RALYL: variants seen among roughly 807,000 people sequenced by gnomAD.
The protein encoded by RALYL is RALY RNA binding protein like, also known as RNA-binding Raly-like protein.
Under a neutral mutation model 35.1 loss-of-function variants are expected in RALYL, and 29 were observed. The observed-to-expected ratio is 0.83, with a 90% CI of 0.61 to 1.13. The LOEUF is 1.13. RALYL is among the 50% of genes most tolerant of loss of function. RALYL has a pLI of 0.00. For synonymous variants in RALYL, 120 were observed against 127.6 expected (o/e 0.94, Z 0.40); for missense variants, 359 against 360.4 (o/e 1.00, Z 0.03).
intron 2 of RALYL, among the ~76,000 whole-genome samples, chr8:84,664,269 T>TTC (rs1554769180): frequency 6.7e-6 from 1 of 148,928 alleles, no homozygotes; most frequent in Non-Finnish European, 1.5e-5. Flanking sequence ...CTAGATTTTT[T>TTC]TTTTTTTTTT....
At chr8:84,679,843 AT>A (rs763519354) in intron 2 of RALYL, 44 of 378,436 alleles carry the variant, frequency 1.2e-4, no homozygotes, top group African/African-American at 6.6e-4. Flanking sequence ...TCACATCTTT[AT>A]TTTTTTTCTT....
At chr8:84,674,758 C>T (rs186604459) in intron 2 of RALYL, among the ~76,000 whole-genome samples, 4 of 152,158 alleles carry the variant, frequency 2.6e-5, no homozygotes, top group African/African-American at 9.6e-5. Flanking sequence ...GATAAAATTT[C>T]CTTTTTAGCT....
intron 1 of RALYL, among the ~76,000 whole-genome samples, chr8:84,232,321 G>A (rs1041330620): frequency 3.9e-5 from 6 of 152,026 alleles, no homozygotes; most frequent in Non-Finnish European, 8.8e-5. Context: ...TGAAAGTTGT[G>A]TTCAACACAA....
At chr8:84,777,432 A>C (rs1352741053) in intron 3 of RALYL, among the ~76,000 whole-genome samples, 1 of 152,186 alleles carries the variant, frequency 6.6e-6, no homozygotes, top group Non-Finnish European at 1.5e-5. Context: ...TATACCACCT[A>C]TCTGTGTGAT....
chr8:84,254,965 T>C (rs1830948156), intron 1 of RALYL, among the ~76,000 whole-genome samples: 1 of 151,960 alleles, frequency 6.6e-6, no homozygotes, highest in Non-Finnish European at 1.5e-5. Flanking sequence ...TGGGGGAAAC[T>C]GCTTCCATGA....
intron 2 of RALYL, among the ~76,000 whole-genome samples, chr8:84,688,256 T>C (rs1434979975): frequency 6.6e-6 from 1 of 152,056 alleles, no homozygotes; most frequent in African/African-American, 2.4e-5. Flanking sequence ...AATTCCATAA[T>C]CTAGAATGTT....
intron 1 of RALYL, among the ~76,000 whole-genome samples, chr8:84,205,511 AG>A (rs1817852893): frequency 6.6e-6 from 1 of 152,186 alleles, no homozygotes; most frequent in Non-Finnish European, 1.5e-5. Flanking sequence ...ACATATGCAA[AG>A]GGAAAGCCAC....
At chr8:84,916,073 G>T (rs992118354) in intron 8 of RALYL, among the ~76,000 whole-genome samples, 1 of 151,888 alleles carries the variant, frequency 6.6e-6, no homozygotes, top group Non-Finnish European at 1.5e-5. Flanking sequence ...TCCTAAAACT[G>T]AAGCTAAACA....
At position 84,378,257 on chromosome 8, in the gene RALYL, A is replaced by T. The variant is rs139034608; in HGVS notation, c.-23-151042A>T. Among the ~76,000 whole-genome samples, 22 of 152,074 alleles carry T rather than the reference A, an allele frequency of 1.4e-4. No individual in the cohort carries two copies. In the East Asian group the frequency reaches 3.7e-3, roughly 26 times the overall value. On this transcript the variant is annotated intron_variant, in intron 1 of 8. Transcript: ENST00000521268. Reference sequence around the variant, plus strand: ...GTTATAAGGTCAGCCATTTGGAGCTATCTCTGGTGCTTTGAACTCACAGTA... The same window carrying T: ...GTTATAAGGTCAGCCATTTGGAGCTTTCTCTGGTGCTTTGAACTCACAGTA...
intron 2 of RALYL, among the ~76,000 whole-genome samples, chr8:84,640,867 A>T (rs1392000427): frequency 1.3e-5 from 2 of 151,968 alleles, no homozygotes; most frequent in Non-Finnish European, 2.9e-5. Flanking sequence ...AGAAAATCTC[A>T]TTATAACACA....
intron 2 of RALYL, among the ~76,000 whole-genome samples, chr8:84,695,651 G>A (rs1353222423): frequency 2.6e-5 from 4 of 151,692 alleles, no homozygotes; most frequent in Non-Finnish European, 5.9e-5. Context: ...AGTATTTGTT[G>A]CATGAAGTAA....
At chr8:84,775,906 G>T (rs187670084) in intron 3 of RALYL, among the ~76,000 whole-genome samples, 21 of 152,200 alleles carry the variant, frequency 1.4e-4, no homozygotes, top group African/African-American at 5.1e-4. Context: ...TGTGTCTATT[G>T]CTGTTTAATT....
chr8:84,809,326 T>G (rs1307144503), intron 4 of RALYL, among the ~76,000 whole-genome samples: 2 of 152,230 alleles, frequency 1.3e-5, no homozygotes, highest in African/African-American at 2.4e-5. Context: ...ATCCCTGGTA[T>G]GAAACTTACT....
chr8:84,656,729 A>T (rs1203356747), intron 2 of RALYL, among the ~76,000 whole-genome samples: 1 of 152,144 alleles, frequency 6.6e-6, no homozygotes, highest in Non-Finnish European at 1.5e-5. Context: ...GTTAAAGTTA[A>T]AGCATTATCT....
intron 1 of RALYL, among the ~76,000 whole-genome samples, chr8:84,496,260 A>G (rs963396623): frequency 1.3e-5 from 2 of 152,154 alleles, no homozygotes; most frequent in Admixed American, 6.6e-5. Flanking sequence ...TTTGGACCCC[A>G]GTCTCATCTA....
At chr8:84,467,121 G>GT (rs1489141062) in intron 1 of RALYL, among the ~76,000 whole-genome samples, 1 of 151,996 alleles carries the variant, frequency 6.6e-6, no homozygotes, top group Non-Finnish European at 1.5e-5. Flanking sequence ...TTTTTGAAGG[G>GT]TTTTTTGTGT....
chr8:84,636,583 A>G (rs1825110816), intron 2 of RALYL, among the ~76,000 whole-genome samples: 2 of 151,824 alleles, frequency 1.3e-5, no homozygotes, highest in African/African-American at 4.8e-5. Context: ...CCTATAATAT[A>G]CTACCACAAG....
At chr8:84,697,137 T>C (rs1032802631) in intron 2 of RALYL, among the ~76,000 whole-genome samples, 23 of 152,008 alleles carry the variant, frequency 1.5e-4, no homozygotes, top group African/African-American at 5.3e-4. Context: ...ATAATATTTA[T>C]GCAAATTTTA....
Position 84,705,896 on chromosome 8 carries a change from T to C in RALYL, c.257-68683T>C, listed in dbSNP as rs531672151. 3.4e-6 allele frequency: 5 copies of C among 1,474,492 alleles called. No homozygotes were observed. The East Asian group carries it at 1.2e-4, about 37-fold the overall frequency. 91.3% of individuals were successfully genotyped at this position (1,474,492 alleles called of 1,614,324 possible). The stretch of plus-strand genomic sequence containing the variant: ...TTATGAGAATGGTATTACCCTGGCT[T>C]TCACTGTGTGATTGCTGGTTACCTT... On this transcript the variant is annotated intron_variant, in intron 2 of 8. Transcript: ENST00000521268.
Sources: gnomAD v4.1 joint callset for allele counts (sites outside exome capture counted in the v4.1 genomes callset) on GRCh38, gnomAD v4.1.1 for gene constraint, MANE v1.5 for transcripts, NCBI Gene and HGNC (gene_info 2026-07-23, HGNC 2026-07-21) for gene names.